The following LIN52 variants were observed in gnomAD, a reference collection of about 807,000 sequenced individuals.
LIN52 encodes lin-52 DREAM MuvB core complex component, also known as protein lin-52 homolog.
In LIN52, 4 loss-of-function variants were observed where a neutral mutation model predicts 18.5. The observed-to-expected ratio is 0.22, with a 90% CI of 0.11 to 0.49. The LOEUF is 0.49. LIN52 is among the 20% of genes least tolerant of loss of function. The probability of loss-of-function intolerance (pLI) is 0.97; values close to 1 mark genes in which losing one functional copy is unlikely to be tolerated. For missense variants in LIN52, 102 were observed against 139.5 expected (o/e 0.73, Z 1.35); for synonymous variants, 34 against 45.5 (o/e 0.75, Z 1.02).
chr14:74,107,047 A>G (rs945495993), intron 5 of LIN52, among the ~76,000 whole-genome samples: 1 of 152,222 alleles, frequency 6.6e-6, no homozygotes, highest in Non-Finnish European at 1.5e-5. Flanking sequence ...TAGCCTTCTT[A>G]CATCTCCTCT....
At chr14:74,184,663 G>A (rs1205398132) in intron 5 of LIN52, among the ~76,000 whole-genome samples, 1 of 152,112 alleles carries the variant, frequency 6.6e-6, no homozygotes, top group Non-Finnish European at 1.5e-5. Context: ...TATTAAATCG[G>A]CAACTGTTTG....
At chr14:74,173,136 T>C (rs1000998915) in intron 5 of LIN52, among the ~76,000 whole-genome samples, 2 of 152,242 alleles carry the variant, frequency 1.3e-5, no homozygotes, top group African/African-American at 4.8e-5. Flanking sequence ...ATTTGGTTAT[T>C]ACTTAGCCAA....
chr14:74,124,810 CAAAAAAAAAAAA>C (rs5809648), intron 5 of LIN52, among the ~76,000 whole-genome samples: 1 of 59,442 alleles, frequency 1.7e-5, no homozygotes, highest in South Asian at 8.4e-4. Context: ...GACCCTGTCT[CAAAAAAAAAAAA>C]AAAAAAAAAA....
intron 5 of LIN52, among the ~76,000 whole-genome samples, chr14:74,121,870 C>T (rs572026042): frequency 1.0e-3 from 153 of 151,922 alleles, no homozygotes; most frequent in African/African-American, 3.5e-3. Context: ...ATTACAGGCG[C>T]GCACACCACG....
intron 5 of LIN52, among the ~76,000 whole-genome samples, chr14:74,107,939 T>A (rs1157231237): frequency 6.6e-6 from 1 of 152,124 alleles, no homozygotes; most frequent in Admixed American, 6.6e-5. Flanking sequence ...TTTTGTATAT[T>A]CAGAATTTTG....
intron 1 of LIN52, among the ~76,000 whole-genome samples, chr14:74,089,365 TG>T (rs1410698712): frequency 2.8e-5 from 4 of 141,570 alleles, no homozygotes; most frequent in Admixed American, 2.2e-4. Flanking sequence ...AAAGTTTAAG[TG>T]GGGATTTTTT....
intron 5 of LIN52, among the ~76,000 whole-genome samples, chr14:74,137,223 G>A (rs1404181444): frequency 2.7e-5 from 4 of 148,922 alleles, no homozygotes. Context: ...TTAGCCATTT[G>A]GAAGTAAATT....
At chr14:74,115,972 A>G (rs947729353) in intron 5 of LIN52, among the ~76,000 whole-genome samples, 3 of 152,168 alleles carry the variant, frequency 2.0e-5, no homozygotes, top group Non-Finnish European at 4.4e-5. Flanking sequence ...TGTTGGTTTC[A>G]AAGTAGCATT....
intron 5 of LIN52, among the ~76,000 whole-genome samples, chr14:74,150,536 G>T (rs959248110): frequency 3.9e-5 from 6 of 152,136 alleles, no homozygotes; most frequent in Admixed American, 3.9e-4. Context: ...TATGATGATG[G>T]CTGGGAGGGG....
At chr14:74,150,014 T>C (rs759265767) in intron 5 of LIN52, among the ~76,000 whole-genome samples, 3 of 152,202 alleles carry the variant, frequency 2.0e-5, no homozygotes, top group Non-Finnish European at 4.4e-5. Flanking sequence ...GAACAATTTA[T>C]AGTTAAAAGA....
intron 5 of LIN52, among the ~76,000 whole-genome samples, chr14:74,129,883 C>T (rs1208391094): frequency 6.6e-6 from 1 of 152,138 alleles, no homozygotes; most frequent in Non-Finnish European, 1.5e-5. Context: ...AGACATACCC[C>T]AGACTGGGAA....
intron 4 of LIN52, among the ~76,000 whole-genome samples, chr14:74,098,480 C>A (rs1231404011): frequency 2.0e-5 from 3 of 150,358 alleles, no homozygotes; most frequent in Admixed American, 2.0e-4. Flanking sequence ...AGTTCCACTG[C>A]ACTCCAGCCT....
chr14:74,092,848 C>T (rs970566077), intron 2 of LIN52, among the ~76,000 whole-genome samples: 4 of 151,544 alleles, frequency 2.6e-5, no homozygotes, highest in South Asian at 2.1e-4. Flanking sequence ...ACCCGGGAGG[C>T]GGAGGTTGCA....
At chr14:74,192,809 G>A in intron 5 of LIN52, 1 of 191,978 alleles carries the variant, frequency 5.2e-6, no homozygotes, top group East Asian at 1.4e-4. Flanking sequence ...TCCAGCAGCA[G>A]ACAGGAGGTG....
chr14:74,189,606 T>A (rs2061355092), intron 5 of LIN52, among the ~76,000 whole-genome samples: 1 of 152,206 alleles, frequency 6.6e-6, no homozygotes, highest in Admixed American at 6.5e-5. Context: ...GTTTTGCTCT[T>A]AAAAGAGGGC....
At chr14:74,133,638 T>C (rs2061080802) in intron 5 of LIN52, among the ~76,000 whole-genome samples, 1 of 152,208 alleles carries the variant, frequency 6.6e-6, no homozygotes, top group African/African-American at 2.4e-5. Context: ...TCCTTTGGAA[T>C]GTTGAAAAGA....
At chr14:74,109,107 G>T (rs544664956) in intron 5 of LIN52, among the ~76,000 whole-genome samples, 1 of 151,838 alleles carries the variant, frequency 6.6e-6, no homozygotes, top group South Asian at 2.1e-4. Context: ...TAATTCTTTC[G>T]CATGTGGATA....
chr14:74,183,511 C>G (rs1041646998), intron 5 of LIN52, among the ~76,000 whole-genome samples: 1 of 152,160 alleles, frequency 6.6e-6, no homozygotes, highest in Non-Finnish European at 1.5e-5. Context: ...CATGTTGCTT[C>G]TAACTTATGA....
At chr14:74,187,877 C>G (rs141604130) in intron 5 of LIN52, among the ~76,000 whole-genome samples, 27 of 152,204 alleles carry the variant, frequency 1.8e-4, no homozygotes, top group African/African-American at 6.5e-4. Context: ...AGGTAGATAC[C>G]AATCCCCACT....
Sources: gnomAD v4.1 joint callset for allele counts (sites outside exome capture counted in the v4.1 genomes callset) on GRCh38, gnomAD v4.1.1 for gene constraint, MANE v1.5 for transcripts, NCBI Gene and HGNC (gene_info 2026-07-23, HGNC 2026-07-21) for gene names.